Variants in LRP1B observed in about 807,000 individuals in gnomAD.
LRP1B encodes low-density lipoprotein receptor-related protein 1B.
LRP1B carries 217 observed loss-of-function variants against 556.6 expected under a neutral mutation model. The observed-to-expected ratio is 0.39, with a 90% CI of 0.35 to 0.44. LRP1B has a LOEUF of 0.44. Ranked by LOEUF, LRP1B falls within the 20% of genes least tolerant of loss-of-function variation. LRP1B has a pLI of 1.00. For synonymous variants in LRP1B, 2,047 were observed against 1,865.8 expected (o/e 1.10, Z -2.50); for missense variants, 5,053 against 5,620.8 (o/e 0.90, Z 3.23).
chr2:140,964,159 A>G (rs758293336), intron 18 of LRP1B, among the ~76,000 whole-genome samples: 11 of 152,162 alleles, frequency 7.2e-5, no homozygotes, highest in Non-Finnish European at 1.6e-4. Context: ...GGAGACAAAG[A>G]GAAAGACAGC....
Position 140,945,477 on chromosome 2 carries a change from G to A in LRP1B, c.3136+4758C>T, listed in dbSNP as rs142560772. Reference sequence around the variant, plus strand: ...CAAACTATACTACAAGGCTACAGTAGCCCAAACAGCATGATAATGGTACAA... The same window carrying A: ...CAAACTATACTACAAGGCTACAGTAACCCAAACAGCATGATAATGGTACAA... On this transcript the variant is annotated intron_variant, in intron 20 of 90. Coordinates refer to ENST00000389484, the MANE Select transcript of LRP1B (RefSeq NM_018557.3). Among the ~76,000 whole-genome samples, 79 of 152,088 alleles carry A rather than the reference G, an allele frequency of 5.2e-4. No homozygotes were observed. The East Asian group carries it at 0.014, about 28-fold the overall frequency.
intron 7 of LRP1B, among the ~76,000 whole-genome samples, chr2:141,099,803 T>C (rs937645687): frequency 2.0e-5 from 3 of 152,208 alleles, no homozygotes; most frequent in African/African-American, 2.4e-5. Context: ...TTGATATGTT[T>C]TGAGTTCCAC....
chr2:141,759,451 G>A (rs1694452368), intron 2 of LRP1B, among the ~76,000 whole-genome samples: 2 of 152,104 alleles, frequency 1.3e-5, no homozygotes, highest in African/African-American at 4.8e-5. Context: ...TGAAATATAG[G>A]GATAGGGAAT....
chr2:141,710,375 AATT>A (rs1410347088), intron 2 of LRP1B, among the ~76,000 whole-genome samples: 2 of 152,094 alleles, frequency 1.3e-5, no homozygotes, highest in African/African-American at 4.8e-5. Context: ...TACTATCAGC[AATT>A]ATTAACATTA....
At chr2:140,674,515 T>C (rs1685601690) in intron 41 of LRP1B, among the ~76,000 whole-genome samples, 1 of 152,196 alleles carries the variant, frequency 6.6e-6, no homozygotes, top group Non-Finnish European at 1.5e-5. Context: ...TAGATAACAA[T>C]TGAACTCTTT....
At chr2:141,591,682 A>T (rs927603789) in intron 2 of LRP1B, among the ~76,000 whole-genome samples, 9 of 152,070 alleles carry the variant, frequency 5.9e-5, no homozygotes, top group African/African-American at 1.9e-4. Context: ...ACCTAAATTT[A>T]GTTCTCAATT....
chr2:141,261,445 C>T (rs1002195965), intron 3 of LRP1B, among the ~76,000 whole-genome samples: 2 of 152,094 alleles, frequency 1.3e-5, no homozygotes, highest in African/African-American at 2.4e-5. Context: ...TGTTGTCTAA[C>T]CAATACCATT....
chr2:141,117,359 A>C (rs73964054), intron 7 of LRP1B, among the ~76,000 whole-genome samples: 2,266 of 151,984 alleles, frequency 0.015, 70 homozygotes, highest in African/African-American at 0.052. Flanking sequence ...TTCTTTTAAA[A>C]CACTAGTACT....
chr2:141,592,965 T>C (rs1367012215), intron 2 of LRP1B, among the ~76,000 whole-genome samples: 1 of 152,186 alleles, frequency 6.6e-6, no homozygotes, highest in South Asian at 2.1e-4. Context: ...CCCTTATTTC[T>C]ACAAATGGAA....
chr2:142,028,439 G>T (rs534373459), intron 1 of LRP1B, among the ~76,000 whole-genome samples: 1 of 151,864 alleles, frequency 6.6e-6, no homozygotes, highest in African/African-American at 2.4e-5. Flanking sequence ...CAGTATAGCA[G>T]CATTTTGATT....
At chr2:140,611,106 T>C (rs1451514547) in intron 41 of LRP1B, among the ~76,000 whole-genome samples, 2 of 152,222 alleles carry the variant, frequency 1.3e-5, no homozygotes, top group Admixed American at 6.5e-5. Flanking sequence ...GGATAAATTA[T>C]CATCCCCATT....
chr2:141,689,308 G>T (rs1691427646), intron 2 of LRP1B, among the ~76,000 whole-genome samples: 1 of 151,740 alleles, frequency 6.6e-6, no homozygotes, highest in African/African-American at 2.4e-5. Flanking sequence ...GCTAATAAGA[G>T]GCAGATTCAG....
At position 140,509,918 on chromosome 2, in the gene LRP1B, G is replaced by T; in HGVS notation, c.8398+10C>A. 2 of 1,611,666 alleles carry T rather than the reference G, an allele frequency of 1.2e-6. No individual in the cohort carries two copies. The highest frequency in any genetic ancestry group is 1.7e-6 in the Non-Finnish European group (2 of 1,179,248). On this transcript the variant is annotated intron_variant, in intron 52 of 90. Coordinates refer to ENST00000389484, the MANE Select transcript of LRP1B (RefSeq NM_018557.3). Reference sequence around the variant, plus strand: ...TTTCTTTGACATGCAGCCCTGGCCAGTGTTCATACCGCAGCCTGCTGTGGA... The same window carrying T: ...TTTCTTTGACATGCAGCCCTGGCCATTGTTCATACCGCAGCCTGCTGTGGA...
intron 1 of LRP1B, among the ~76,000 whole-genome samples, chr2:141,954,744 C>T (rs1350356904): frequency 2.6e-5 from 4 of 152,020 alleles, no homozygotes; most frequent in Non-Finnish European, 5.9e-5. Context: ...CTAGAATATA[C>T]TGATATTCTT....
intron 3 of LRP1B, among the ~76,000 whole-genome samples, chr2:141,451,822 A>T (rs1217663316): frequency 2.0e-5 from 3 of 152,228 alleles, no homozygotes; most frequent in African/African-American, 7.2e-5. Flanking sequence ...ACTAGCTTTG[A>T]AACTACACAT....
intron 41 of LRP1B, among the ~76,000 whole-genome samples, chr2:140,610,416 G>T (rs559376982): frequency 6.6e-6 from 1 of 152,228 alleles, no homozygotes; most frequent in East Asian, 1.9e-4. Context: ...TGCAGGGTCT[G>T]CATATTTATG....
At chr2:141,433,890 G>A (rs1487376756) in intron 3 of LRP1B, among the ~76,000 whole-genome samples, 1 of 138,578 alleles carries the variant, frequency 7.2e-6, no homozygotes, top group African/African-American at 2.7e-5. Flanking sequence ...GCTATTCTCA[G>A]TACTTCTGCT....
rs1472874596 is a variant in LRP1B, at chr2:140,748,792, T to A, written c.5758+20421A>T. On this transcript the variant is annotated intron_variant, in intron 35 of 90. Coordinates refer to ENST00000389484, the MANE Select transcript of LRP1B (RefSeq NM_018557.3). Reference sequence around the variant, plus strand: ...GTATATAATATGTATATAATATATATTATATACATATTATATACATGTATA... The same window carrying A: ...GTATATAATATGTATATAATATATAATATATACATATTATATACATGTATA... 2.2e-3 allele frequency among the ~76,000 whole-genome samples: 108 copies of A among 48,636 alleles called. 3 individuals carry two copies. Among genetic ancestry groups the A allele is most frequent in the African/African-American group, 7.1e-3 (106 of 14,832 alleles). The allele number at this position is 48,636 out of a possible 152,430, so 31.9% of individuals were successfully genotyped here.
At position 141,247,329 on chromosome 2, in the gene LRP1B, A is replaced by T. The variant is rs754526077; in HGVS notation, c.489T>A (p.Gly163=). The change falls in exon 5 of 91, where the codon GGT becomes GGA. Residue 163 remains glycine, a synonymous_variant. Transcript: ENST00000389484. Reference sequence around the variant, plus strand: ...TGTTTCTGCAGGTCTGGCTGCATGTACCATAAACAGCACATTCATCTTGAT... The same window carrying T: ...TGTTTCTGCAGGTCTGGCTGCATGTTCCATAAACAGCACATTCATCTTGAT... ...CKDQDECAVY[G]TCSQTCRNTH... is the part of the protein sequence containing the mutation. The T allele has an allele frequency of 1.2e-6, 2 of 1,613,760 alleles. No homozygotes were observed. The highest frequency in any genetic ancestry group is 3.3e-4 in the Middle Eastern group (2 of 6,052).
Sources: gnomAD v4.1 joint callset for allele counts (sites outside exome capture counted in the v4.1 genomes callset) on GRCh38, gnomAD v4.1.1 for gene constraint, MANE v1.5 for transcripts, NCBI Gene and HGNC (gene_info 2026-07-23, HGNC 2026-07-21) for gene names.